The following SSH2 variants were observed in gnomAD, a reference collection of about 807,000 sequenced individuals.
The protein encoded by SSH2 is slingshot protein phosphatase 2.
A neutral mutation model predicts 135.2 loss-of-function variants in SSH2; 37 were observed. That is an observed-to-expected ratio of 0.27 (90% CI 0.21 to 0.36). SSH2 has a LOEUF of 0.36. Among genes scored for constraint, SSH2 ranks in the 10% least tolerant of loss-of-function variants. SSH2 has a pLI of 1.00. For synonymous variants in SSH2, 628 were observed against 646.2 expected, an observed-to-expected ratio of 0.97 and a Z score of 0.43; for missense variants, 1,408 against 1,765.3, an observed-to-expected ratio of 0.80 and a Z score of 3.63.
intron 11 of SSH2, among the ~76,000 whole-genome samples, chr17:29,657,165 C>T (rs2151013259): frequency 6.6e-6 from 1 of 152,100 alleles, no homozygotes; most frequent in East Asian, 1.9e-4. Flanking sequence ...CAGGGTTTCA[C>T]CATGTTGCCC....
intron 3 of SSH2, among the ~76,000 whole-genome samples, chr17:29,761,898 A>G (rs1424846577): frequency 3.0e-5 from 2 of 66,272 alleles, no homozygotes; most frequent in Admixed American, 1.3e-4. Flanking sequence ...TTTTTTTTTG[A>G]GATGGAGTTT....
intron 3 of SSH2, among the ~76,000 whole-genome samples, chr17:29,723,235 A>T (rs1181312406): frequency 2.0e-5 from 3 of 152,012 alleles, no homozygotes; most frequent in Non-Finnish European, 4.4e-5. Context: ...AATTCCAAAT[A>T]AAAAAAAGCT....
intron 3 of SSH2, among the ~76,000 whole-genome samples, chr17:29,731,966 G>A (rs1399501886): frequency 6.6e-6 from 1 of 152,088 alleles, no homozygotes; most frequent in Non-Finnish European, 1.5e-5. Flanking sequence ...AAAAAAGAAA[G>A]GGATGGAGGG....
At chr17:29,803,204 A>AT (rs1475670221) in intron 2 of SSH2, among the ~76,000 whole-genome samples, 3 of 152,120 alleles carry the variant, frequency 2.0e-5, no homozygotes, top group Non-Finnish European at 4.4e-5. Context: ...ATATTTTATG[A>AT]TTTTATGGGT....
At chr17:29,715,795 C>T (rs1303412359) in intron 3 of SSH2, among the ~76,000 whole-genome samples, 1 of 152,182 alleles carries the variant, frequency 6.6e-6, no homozygotes, top group Non-Finnish European at 1.5e-5. Context: ...AACCATGTCT[C>T]TGGATGCCAC....
chr17:29,799,127 G>A (rs1389792218), intron 2 of SSH2, among the ~76,000 whole-genome samples: 1 of 152,086 alleles, frequency 6.6e-6, no homozygotes, highest in Admixed American at 6.6e-5. Flanking sequence ...TATAGCTATA[G>A]TTCACTCATT....
chr17:29,828,969 G>T (rs539232384), intron 2 of SSH2, among the ~76,000 whole-genome samples: 1 of 152,304 alleles, frequency 6.6e-6, no homozygotes, highest in East Asian at 1.9e-4. Context: ...ATCTCCAAAT[G>T]ACATTTGTAA....
chr17:29,733,210 A>C (rs1247121208), intron 3 of SSH2, among the ~76,000 whole-genome samples: 1 of 152,218 alleles, frequency 6.6e-6, no homozygotes, highest in Non-Finnish European at 1.5e-5. Flanking sequence ...CAAATAAAAA[A>C]CAAAACAAAA....
chr17:29,750,902 T>C (rs530131542), intron 3 of SSH2, among the ~76,000 whole-genome samples: 1 of 152,070 alleles, frequency 6.6e-6, no homozygotes, highest in African/African-American at 2.4e-5. Flanking sequence ...TTGAAACTTT[T>C]TTGTTAAAGA....
chr17:29,738,747 G>A (rs900930780), intron 3 of SSH2, among the ~76,000 whole-genome samples: 11 of 151,744 alleles, frequency 7.2e-5, no homozygotes, highest in Middle Eastern at 3.4e-3. Flanking sequence ...GTAGAGACGG[G>A]GTTTCACTGT....
intron 3 of SSH2, among the ~76,000 whole-genome samples, chr17:29,738,177 G>A (rs936779605): frequency 6.6e-6 from 1 of 152,204 alleles, no homozygotes; most frequent in Non-Finnish European, 1.5e-5. Flanking sequence ...AACATGCAGT[G>A]TTTGGTTTTC....
intron 11 of SSH2, among the ~76,000 whole-genome samples, chr17:29,662,553 T>C (rs1013296020): frequency 1.3e-5 from 2 of 152,212 alleles, no homozygotes; most frequent in African/African-American, 4.8e-5. Context: ...TGTGATAAAA[T>C]AATCCTTTCT....
chr17:29,635,842 T>C (rs1320702991), intron 15 of SSH2, 126 bp downstream of exon 15: 1 of 803,210 alleles, frequency 1.2e-6, no homozygotes, highest in Non-Finnish European at 2.0e-6. Context: ...AAAAAATATT[T>C]AAACCCTAAG....
chr17:29,736,108 CA>C (rs2040354834), intron 3 of SSH2, among the ~76,000 whole-genome samples: 3 of 151,910 alleles, frequency 2.0e-5, no homozygotes, highest in Admixed American at 2.0e-4. Context: ...CAAAACAAAA[CA>C]AAAAAATTCT....
chr17:29,873,380 G>A (rs868330029), intron 1 of SSH2, among the ~76,000 whole-genome samples: 2 of 151,904 alleles, frequency 1.3e-5, no homozygotes, highest in Admixed American at 6.6e-5. Flanking sequence ...CCAACATGGC[G>A]AAACCCCATC....
At chr17:29,739,270 CA>C (rs1240172635) in intron 3 of SSH2, among the ~76,000 whole-genome samples, 1 of 152,160 alleles carries the variant, frequency 6.6e-6, no homozygotes. Flanking sequence ...ACATCCTAGT[CA>C]GGGGTGGACT....
In SSH2 at chr17:29,716,904, C is replaced by T. The variant is rs146685445; in HGVS notation, c.189-13842G>A. On this transcript the variant is annotated intron_variant, in intron 3 of 15. Coordinates refer to ENST00000540801, the MANE Select transcript of SSH2 (RefSeq NM_001282129.2). ...TGATAGATCCTAAAGACAAAGACCCCTTTAGCTTAGCATCAATTTCTGTTC... is the reference window on the plus strand; with the variant it reads ...TGATAGATCCTAAAGACAAAGACCCTTTTAGCTTAGCATCAATTTCTGTTC... Among the ~76,000 whole-genome samples, 698 of 152,224 alleles carry T rather than the reference C, an allele frequency of 4.6e-3. 6 individuals carry two copies. Among genetic ancestry groups the T allele is most frequent in the Non-Finnish European group, 3.5e-3 (241 of 68,012 alleles).
chr17:29,807,692 G>A (rs1324479584), intron 2 of SSH2, among the ~76,000 whole-genome samples: 1 of 152,164 alleles, frequency 6.6e-6, no homozygotes, highest in African/African-American at 2.4e-5. Flanking sequence ...CTGACTAGCT[G>A]AGTTAAAACC....
intron 9 of SSH2, 27 bp downstream of exon 9, chr17:29,671,908 T>G (rs2151045211): frequency 1.3e-6 from 2 of 1,593,254 alleles, no homozygotes; most frequent in Non-Finnish European, 1.7e-6. Flanking sequence ...GGAGAGAACT[T>G]CCATAATCCT....
Sources: gnomAD v4.1 joint callset for allele counts (sites outside exome capture counted in the v4.1 genomes callset) on GRCh38, gnomAD v4.1.1 for gene constraint, MANE v1.5 for transcripts, NCBI Gene and HGNC (gene_info 2026-07-23, HGNC 2026-07-21) for gene names.